Variants in POU2F2 observed in about 807,000 individuals in gnomAD.
POU2F2 encodes POU class 2 homeobox 2.
In POU2F2, 14 loss-of-function variants were observed where a neutral mutation model predicts 63.5. The ratio of observed to expected loss-of-function variants is 0.22; its 90% confidence interval spans 0.15 to 0.34. The LOEUF (loss-of-function observed/expected upper bound fraction) is 0.34, where lower values mean the gene tolerates loss of function less well. POU2F2 is among the 10% of genes least tolerant of loss of function. POU2F2 has a pLI of 1.00. For synonymous variants in POU2F2, 306 were observed against 348.6 expected (o/e 0.88, Z 1.36); for missense variants, 607 against 815.2 (o/e 0.74, Z 3.11).
At position 42,162,937 on chromosome 19, in the gene POU2F2, G is replaced by A. The variant is rs1362518708; in HGVS notation, c.-69-2545C>T. ...TGAGTGCTGGTCATGCACCAGGGGT[G>A]GGTCATTGCTCTGCAGGTGTGATCT... On this transcript the variant is annotated intron_variant, in intron 1 of 6. Coordinates refer to the POU2F2 transcript ENST00000524801. This position sits in a 1 kb window ranked among gnomAD's most constrained non-coding sequence, Gnocchi z 4.1. Among the ~76,000 whole-genome samples the A allele has an allele frequency of 6.6e-6, 1 of 152,130 alleles. No homozygotes were observed. The highest frequency in any genetic ancestry group is 1.5e-5 in the Non-Finnish European group (1 of 68,016).
At chr19:42,179,429 C>T (rs1163680436), upstream of POU2F2, among the ~76,000 whole-genome samples, 1 of 151,896 alleles carries the variant, frequency 6.6e-6, no homozygotes, top group East Asian at 1.9e-4. Flanking sequence ...GCTCCCGCCC[C>T]CTGCAGGCGG....
chr19:42,108,931 T>G (rs2030604977), intron 5 of POU2F2, among the ~76,000 whole-genome samples: 1 of 152,226 alleles, frequency 6.6e-6, no homozygotes, highest in African/African-American at 2.4e-5. Context: ...ATTGCTGTAT[T>G]TTGATCACCC....
chr19:42,122,080 C>T, intron 4 of POU2F2, 46 bp downstream of exon 4: 1 of 1,563,720 alleles, frequency 6.4e-7, no homozygotes, highest in South Asian at 1.1e-5. Flanking sequence ...TGAGGACCCT[C>T]TTCCAAGCGC....
intron 4 of POU2F2, among the ~76,000 whole-genome samples, chr19:42,118,053 C>A (rs560063255): frequency 6.6e-6 from 1 of 152,198 alleles, no homozygotes; most frequent in East Asian, 1.9e-4. Flanking sequence ...GCTTTCCAAG[C>A]AGCTGAGACT....
chr19:42,113,085 G>A (rs1286945576), intron 5 of POU2F2, among the ~76,000 whole-genome samples: 2 of 152,074 alleles, frequency 1.3e-5, no homozygotes, highest in Non-Finnish European at 2.9e-5. Context: ...ATCACACTCA[G>A]TTGGTTTCTT....
rs1363216883 is a variant in POU2F2 at position 42,091,354 on chromosome 19, G to A, written c.1778C>T (p.Ser593Phe). The change falls in exon 15 of 15, where the codon TCT becomes TTT. Residue 593 changes from serine (S) to phenylalanine (F), a missense_variant. By Grantham distance (155) the Ser-to-Phe change is radical. Coordinates refer to ENST00000692977, the MANE Select transcript of POU2F2 (RefSeq NM_001394376.1). ...GGAGGAGGAGGAGGATGAGGATGAA[G>A]AGGATGAGGAGGAGAGGCCAGGAGA... Reference protein sequence around the residue: ...SKSPGLSSSSSSSSSSSSSTC... With the variant: ...SKSPGLSSSSFSSSSSSSSTC... The A allele has an allele frequency of 6.5e-7, 1 of 1,537,534 alleles. No homozygotes were observed. Among genetic ancestry groups the A allele is most frequent in the Non-Finnish European group, 8.7e-7 (1 of 1,146,848 alleles).
chr19:42,135,830 C>T (rs115360985), upstream of POU2F2, among the ~76,000 whole-genome samples: 883 of 152,062 alleles, frequency 5.8e-3, 9 homozygotes, highest in African/African-American at 0.02. Context: ...GCCTCCTCAG[C>T]CTCCCGAGTA....
At chr19:42,147,462 T>C (rs1468842944) in intron 2 of POU2F2, among the ~76,000 whole-genome samples, 2 of 152,218 alleles carry the variant, frequency 1.3e-5, no homozygotes, top group East Asian at 1.9e-4. Flanking sequence ...ATTTTGTATT[T>C]GATTGATGTT....
chr19:42,172,463 C>T (rs2034789041), intron 1 of POU2F2, among the ~76,000 whole-genome samples: 3 of 152,130 alleles, frequency 2.0e-5, no homozygotes. Context: ...AATGCAGGGA[C>T]CTTGCATGTG....
At chr19:42,190,357 G>A (rs1486522943) in intron 1 of POU2F2, among the ~76,000 whole-genome samples, 13 of 151,948 alleles carry the variant, frequency 8.6e-5, no homozygotes, top group Admixed American at 8.5e-4. Context: ...GGAAATCATG[G>A]TCCATTTGCC....
chr19:42,097,198 T>G (rs1361687742), intron 7 of POU2F2, among the ~76,000 whole-genome samples: 2 of 149,534 alleles, frequency 1.3e-5, no homozygotes, highest in Non-Finnish European at 1.5e-5. Context: ...TTCAGTTTTT[T>G]TTTTTTTTTT....
In POU2F2 at chr19:42,117,084, A is replaced by C. The variant is rs1434976266; in HGVS notation, c.369+166T>G. 7 of 680,278 alleles carry C rather than the reference A, an allele frequency of 1.0e-5. No individual in the cohort carries two copies. In the East Asian group the frequency reaches 1.9e-4, roughly 18 times the overall value. 42.1% of individuals were successfully genotyped at this position (680,278 alleles called of 1,614,324 possible). On this transcript the variant is annotated intron_variant, in intron 5 of 14. Transcript: ENST00000692977. This position sits in a 1 kb window ranked among gnomAD's most constrained non-coding sequence, Gnocchi z 4.4. The stretch of plus-strand genomic sequence containing the variant: ...AGAAGGCAGAGAGGGGTTAGTGCCT[A>C]AGCCAAGCAAGTAAGGGGACAAGAC...
At chr19:42,119,848 G>T (rs2032383392) in intron 4 of POU2F2, among the ~76,000 whole-genome samples, 1 of 152,146 alleles carries the variant, frequency 6.6e-6, no homozygotes, top group Admixed American at 6.5e-5. Flanking sequence ...ATTGTTTCTG[G>T]TTATCTTAAA....
chr19:42,161,206 G>GA (rs1163494058), intron 1 of POU2F2, among the ~76,000 whole-genome samples: 1 of 152,142 alleles, frequency 6.6e-6, no homozygotes, highest in African/African-American at 2.4e-5. Flanking sequence ...TTTAATCAGA[G>GA]AAAGAACCAG....
chr19:42,095,189 CT>C lies in POU2F2; in HGVS notation c.1197+96del. On this transcript the variant is annotated intron_variant, in intron 11 of 14. Coordinates refer to ENST00000692977, the MANE Select transcript of POU2F2 (RefSeq NM_001394376.1). The surrounding 1 kb of genome is among the most constrained non-coding windows in gnomAD (Gnocchi z 7.1). ...TCTCCAAGAGTGACTCTTCTTGTCT[CT>C]GTTCTAGGCTCTGTGGACAACCAGG... The C allele has an allele frequency of 1.4e-6, 2 of 1,386,362 alleles. No individual in the cohort carries two copies. Among genetic ancestry groups the C allele is most frequent in the South Asian group, 2.9e-5 (2 of 70,016 alleles). The allele number at this position is 1,386,362 out of a possible 1,614,324, so 85.9% of individuals were successfully genotyped here.
At chr19:42,100,160 C>T (rs567857278) in intron 5 of POU2F2, among the ~76,000 whole-genome samples, 3 of 122,310 alleles carry the variant, frequency 2.5e-5, no homozygotes, top group Non-Finnish European at 4.8e-5. Context: ...GGTGTGATCT[C>T]GGCTCACTGA....
chr19:42,154,848 C>T (rs1176888305), intron 2 of POU2F2, among the ~76,000 whole-genome samples: 3 of 152,164 alleles, frequency 2.0e-5, no homozygotes, highest in Middle Eastern at 6.3e-3. Flanking sequence ...TTCCTCTGGG[C>T]CCCTGTGAGC....
Position 42,152,134 on chromosome 19 carries a change from G to A in POU2F2, c.-9+8198C>T, listed in dbSNP as rs148277566. 1.9e-4 allele frequency among the ~76,000 whole-genome samples: 29 copies of A among 152,306 alleles called. No homozygotes were observed. In the East Asian group the frequency reaches 5.6e-3, roughly 29 times the overall value. ...GGCCTCCCATCCACCCAGCCTGACT[G>A]TGGGGCGCAACGGGTAGCTGAGGCA... On this transcript the variant is annotated intron_variant, in intron 2 of 6. Transcript: ENST00000524801. The surrounding 1 kb of genome is among the most constrained non-coding windows in gnomAD (Gnocchi z 4.1).
chr19:42,110,979 T>C (rs1443821447), intron 5 of POU2F2, among the ~76,000 whole-genome samples: 2 of 152,248 alleles, frequency 1.3e-5, no homozygotes, highest in East Asian at 1.9e-4. Flanking sequence ...AATTACAACA[T>C]ATCCCTCAAA....
Sources: gnomAD v4.1 joint callset for allele counts (sites outside exome capture counted in the v4.1 genomes callset) on GRCh38, gnomAD v4.1.1 for gene constraint, Gnocchi (gnomAD v3.1) non-coding constraint, MANE v1.5 for transcripts, NCBI Gene and HGNC (gene_info 2026-07-23, HGNC 2026-07-21) for gene names.